The following NADSYN1 variants were observed in gnomAD, a reference collection of about 807,000 sequenced individuals.
NADSYN1 encodes the protein glutamine-dependent NAD(+) synthetase.
NADSYN1 carries 80 observed loss-of-function variants against 99.3 expected under a neutral mutation model. That is an observed-to-expected ratio of 0.81 (90% CI 0.67 to 0.97). The LOEUF (loss-of-function observed/expected upper bound fraction) is 0.97, where lower values mean the gene tolerates loss of function less well. NADSYN1 is among the 50% of genes least tolerant of loss of function. NADSYN1 has a pLI of 0.00. For missense variants in NADSYN1, 859 were observed against 948.5 expected (o/e 0.91, Z 1.24); for synonymous variants, 385 against 372.1 (o/e 1.03, Z -0.40).
intron 10 of NADSYN1, chr11:71,479,063 C>A (rs1266860415): frequency 1.3e-5 from 2 of 156,644 alleles, no homozygotes; most frequent in African/African-American, 4.8e-5. Context: ...GTGTGATGCT[C>A]ATAACAGAGC....
At chr11:71,494,334 G>T (rs769298900) in intron 18 of NADSYN1, among the ~76,000 whole-genome samples, 32 of 152,148 alleles carry the variant, frequency 2.1e-4, no homozygotes, top group Non-Finnish European at 4.3e-4. Context: ...AGAGTATTCA[G>T]TACAGCAACA....
In NADSYN1 at chr11:71,474,394, G is replaced by A; in HGVS notation, c.667-1G>A. 1.9e-6 allele frequency: 3 copies of A among 1,614,166 alleles called. No individual in the cohort carries two copies. The highest frequency in any genetic ancestry group is 2.2e-5 in the East Asian group (1 of 44,874). Reference sequence around the variant, plus strand: ...TCCGCTATGGGGTCCTCCTTTTTCAGAACGGTGGGATTTACTTGCTGGCCA... The same window carrying A: ...TCCGCTATGGGGTCCTCCTTTTTCAAAACGGTGGGATTTACTTGCTGGCCA... On this transcript the variant is annotated splice_acceptor_variant, in intron 8 of 20. Coordinates refer to ENST00000319023, the MANE Select transcript of NADSYN1 (RefSeq NM_018161.5). LOFTEE classifies it high-confidence loss of function.
chr11:71,497,260 CG>C (rs953038045), intron 18 of NADSYN1: 117 of 539,762 alleles, frequency 2.2e-4, no homozygotes, highest in African/African-American at 1.8e-3. Context: ...ACCGTTCACC[CG>C]TTACGGTCCT....
At chr11:71,459,326 C>T (rs2120399226) in intron 3 of NADSYN1, among the ~76,000 whole-genome samples, 1 of 151,444 alleles carries the variant, frequency 6.6e-6, no homozygotes, top group East Asian at 2.0e-4. Context: ...CTGTGCTGTC[C>T]CTGCATAGCC....
intron 9 of NADSYN1, chr11:71,476,012 CCT>C (rs1237348612): frequency 2.2e-6 from 1 of 455,978 alleles, no homozygotes; most frequent in Non-Finnish European, 4.4e-6. Flanking sequence ...CCGCACCCGG[CCT>C]CTCTTTCTGT....
intron 18 of NADSYN1, chr11:71,497,186 T>C: frequency 5.2e-6 from 2 of 387,564 alleles, no homozygotes; most frequent in Non-Finnish European, 9.7e-6. Flanking sequence ...CCTACACTCT[T>C]TTTCCAAATA....
intron 16 of NADSYN1, among the ~76,000 whole-genome samples, chr11:71,487,008 G>T (rs187774341): frequency 2.6e-5 from 4 of 151,872 alleles, no homozygotes; most frequent in Non-Finnish European, 4.4e-5. Context: ...GTGTTTCACC[G>T]TGTTAGCCAG....
chr11:71,460,062 C>T (rs917512300), intron 3 of NADSYN1: 1 of 152,424 alleles, frequency 6.6e-6, no homozygotes, highest in Non-Finnish European at 1.5e-5. Context: ...TGTGGCCCCT[C>T]CCAGCTGTGA....
chr11:71,472,535 G>C, intron 6 of NADSYN1, 35 bp downstream of exon 6: 6 of 1,587,796 alleles, frequency 3.8e-6, no homozygotes, highest in Non-Finnish European at 5.2e-6. Flanking sequence ...TTTTTCAGTC[G>C]GTTGTCGCTG....
chr11:71,467,798 C>T (rs181581155), intron 5 of NADSYN1, among the ~76,000 whole-genome samples: 38 of 152,126 alleles, frequency 2.5e-4, no homozygotes, highest in African/African-American at 8.4e-4. Context: ...AGAGAAGAGG[C>T]GGTATTTGAA....
chr11:71,487,830 C>CAAAAAAAAAAAAAAAAAAA (rs71049984), intron 16 of NADSYN1, among the ~76,000 whole-genome samples: 1 of 80,094 alleles, frequency 1.2e-5, no homozygotes, highest in Non-Finnish European at 2.4e-5. Flanking sequence ...GACTCCGTCT[C>CAAAAAAAAAAAAAAAAAAA]AAAAAAAAAA....
At chr11:71,453,474 C>T (rs1345659949) in intron 1 of NADSYN1, 93 bp downstream of exon 1, 50 of 1,190,090 alleles carry the variant, frequency 4.2e-5, no homozygotes, top group Non-Finnish European at 5.8e-5. Flanking sequence ...ACAGCCTTGC[C>T]CTGGGAAACT....
At chr11:71,500,580 G>A (rs1263949943) in intron 20 of NADSYN1, among the ~76,000 whole-genome samples, 2 of 29,806 alleles carry the variant, frequency 6.7e-5, no homozygotes, top group Non-Finnish European at 3.3e-4. Flanking sequence ...CAAGGTTGAG[G>A]AATGCTGAAC....
rs1318086253 is a variant in NADSYN1, at chr11:71,480,801, T to A, written c.920T>A (p.Leu307His). 6.2e-7 allele frequency: 1 copy of A among 1,614,156 alleles called. No individual in the cohort carries two copies. ...PYPRVKVDFA[L>H]SCHEDLLAPI... ...CCCAGAGTGAAGGTGGACTTTGCCCTCTCGTGCCACGAGGACTTGCTGGCA... is the reference window on the plus strand; with the variant it reads ...CCCAGAGTGAAGGTGGACTTTGCCCACTCGTGCCACGAGGACTTGCTGGCA... The change falls in exon 11 of 21, where the codon CTC becomes CAC. Residue 307 changes from leucine (L) to histidine (H), a missense_variant. By Grantham distance (99) the Leu-to-His change is moderately conservative. Transcript: ENST00000319023.
In NADSYN1 at chr11:71,458,425, C is replaced by T. The variant is rs1565595238; in HGVS notation, c.147-3C>T. On this transcript the variant is annotated splice_polypyrimidine_tract_variant and splice_region_variant and intron_variant, in intron 2 of 20. Transcript: ENST00000319023. ...GGAGCTCACCTTCTCACTGTCTCTG[C>T]AGCGGCTACGGATGTTGGGATCATT... The T allele has an allele frequency of 6.2e-7, 1 of 1,610,704 alleles. No individual in the cohort carries two copies. Among genetic ancestry groups the T allele is most frequent in the Non-Finnish European group, 8.5e-7 (1 of 1,176,862 alleles).
chr11:71,455,253 G>A (rs1030589547), intron 2 of NADSYN1, 83 bp downstream of exon 2: 1 of 1,235,722 alleles, frequency 8.1e-7, no homozygotes, highest in Admixed American at 1.8e-5. Flanking sequence ...CAAGGAAGGA[G>A]CAGGGACAGT....
chr11:71,472,475 G>C lies in NADSYN1; in HGVS notation c.434G>C (p.Arg145Pro). The change falls in exon 6 of 21, where the codon CGG becomes CCG. Residue 145 changes from arginine (R) to proline (P), a missense_variant. Coordinates refer to ENST00000319023, the MANE Select transcript of NADSYN1 (RefSeq NM_018161.5). ...CACACAGAGGAGTACTTTCTGCCTC[G>C]GATGATACAGGACCTGACAAAGCAG... ...SRHTEEYFLP[R>P]MIQDLTKQET... 1 of 1,613,822 alleles carries C rather than the reference G, an allele frequency of 6.2e-7. No individual in the cohort carries two copies.
intron 15 of NADSYN1, 64 bp downstream of exon 15, chr11:71,484,511 A>G: frequency 6.5e-7 from 1 of 1,539,210 alleles, no homozygotes; most frequent in Non-Finnish European, 8.8e-7. Flanking sequence ...GACAATCACT[A>G]CAGGATGTGC....
chr11:71,481,034 T>TGCTA (rs1238806372), intron 11 of NADSYN1, 155 bp downstream of exon 11: 3 of 1,047,300 alleles, frequency 2.9e-6, no homozygotes, highest in Non-Finnish European at 4.1e-6. Context: ...AGGGCGTGGA[T>TGCTA]GCTAGAGCCA....
Sources: gnomAD v4.1 joint callset for allele counts (sites outside exome capture counted in the v4.1 genomes callset) on GRCh38, gnomAD v4.1.1 for gene constraint, MANE v1.5 for transcripts, NCBI Gene and HGNC (gene_info 2026-07-23, HGNC 2026-07-21) for gene names.